RYR1: variants seen among roughly 807,000 people sequenced by gnomAD.
RYR1 encodes the protein ryanodine receptor 1.
RYR1 carries 342 observed loss-of-function variants against 583.5 expected under a neutral mutation model. That is an observed-to-expected ratio of 0.59 (90% confidence interval 0.54 to 0.64). The LOEUF (loss-of-function observed/expected upper bound fraction) is 0.64. RYR1 is among the 30% of genes least tolerant of loss of function. RYR1 has a pLI of 0.00. For synonymous variants in RYR1, 2,791 were observed against 2,822.5 expected (o/e 0.99, Z 0.35); for missense variants, 6,032 against 6,917.2 (o/e 0.87, Z 4.54).
intron 27 of RYR1, among the ~76,000 whole-genome samples, chr19:38,469,895 C>T (rs1315131237): frequency 1.3e-5 from 2 of 150,466 alleles, no homozygotes; most frequent in Non-Finnish European, 3.0e-5. Flanking sequence ...AGGGAGACCC[C>T]GTCTCTACAA....
chr19:38,553,334 CAAAA>C (rs566497167), intron 89 of RYR1, among the ~76,000 whole-genome samples: 2 of 80,932 alleles, frequency 2.5e-5, no homozygotes, highest in Admixed American at 1.5e-4. Flanking sequence ...GACTCCATAT[CAAAA>C]AAAAAAAAAA....
In RYR1 at chr19:38,475,022, T is replaced by C. The variant is rs143043459; in HGVS notation, c.4161-296T>C. ...TCCTTTTCCAAGTGCATTTAGCACC[T>C]ATACGAGAAATGCATGTGGGAAATG... is the stretch of plus-strand genomic sequence containing the variant. On this transcript the variant is annotated intron_variant, in intron 28 of 105. Coordinates refer to ENST00000359596, the MANE Select transcript of RYR1 (RefSeq NM_000540.3). Among the ~76,000 whole-genome samples the C allele has an allele frequency of 4.5e-3, 684 of 152,298 alleles. No individual in the cohort carries two copies. Among genetic ancestry groups the C allele is most frequent in the Non-Finnish European group, 7.3e-3 (499 of 68,030 alleles).
rs992765294 is a variant in RYR1, at chr19:38,443,855, T to TTCC, written c.424+59_424+60insTCC. ...GGCCCCGCAGCAGGGATTCAGGGGG[T>TTCC]AGAAGGTCTGCAGAACGCCAAGGCA... is the stretch of plus-strand genomic sequence containing the variant. On this transcript the variant is annotated intron_variant, in intron 5 of 105. Transcript: ENST00000359596. 78 of 1,511,398 alleles carry TTCC rather than the reference T, an allele frequency of 5.2e-5. No individual in the cohort carries two copies. The African/African-American group carries it at 1.0e-3, about 20-fold the overall frequency. 93.6% of individuals were successfully genotyped at this position (1,511,398 alleles called of 1,614,324 possible). A position where few individuals can be genotyped will look rare whatever the true frequency, so the allele number is the denominator to read the frequency against.
At chr19:38,468,581 C>T (rs796299982) in intron 25 of RYR1, among the ~76,000 whole-genome samples, 1 of 152,208 alleles carries the variant, frequency 6.6e-6, no homozygotes, top group African/African-American at 2.4e-5. Flanking sequence ...AGCCACTCAT[C>T]TATTTTGTGC....
chr19:38,496,252 A>G lies in RYR1; in HGVS notation c.6586A>G (p.Asn2196Asp). The G allele has an allele frequency of 6.2e-7, 1 of 1,613,858 alleles. No homozygotes were observed. Among genetic ancestry groups the G allele is most frequent in the Non-Finnish European group, 8.5e-7 (1 of 1,180,008 alleles). ...CAACAAAGTCTTCTACCAACACCCG[A>G]ACCTGATGAGGGCGCTGGGCATGCA... ...MNNKVFYQHP[N>D]LMRALGMHET... The change falls in exon 40 of 106, where the codon AAC becomes GAC. Residue 2196 changes from asparagine to aspartate, a missense_variant. This residue lies in a region of RYR1 where 2,627 missense variants were observed against 2,961.3 expected (regional missense o/e 0.89). Transcript: ENST00000359596. This position sits in a 1 kb window ranked among gnomAD's most constrained non-coding sequence, Gnocchi z 4.8.
chr19:38,560,860 A>AAAAATT (rs971930830), intron 89 of RYR1, among the ~76,000 whole-genome samples: 2 of 151,888 alleles, frequency 1.3e-5, no homozygotes, highest in Non-Finnish European at 2.9e-5. Context: ...CTCTACAAAA[A>AAAAATT]AAAATTAAAA....
At chr19:38,535,065 G>A in intron 79 of RYR1, 76 bp from the exon 80 acceptor site, 1 of 1,448,908 alleles carries the variant, frequency 6.9e-7, no homozygotes, top group Admixed American at 1.7e-5. Flanking sequence ...CATCCCTTGG[G>A]ATGGCTGTTT....
chr19:38,581,977 C>T (rs1314209650), intron 101 of RYR1, among the ~76,000 whole-genome samples: 3 of 152,146 alleles, frequency 2.0e-5, no homozygotes, highest in Non-Finnish European at 2.9e-5. Context: ...ACTTATGAGC[C>T]GTGTGATTTT....
rs763503192 is a variant in RYR1 at position 38,517,642 on chromosome 19, C to T, written c.9969C>T (p.Ile3323=). The T allele has an allele frequency of 9.9e-6, 16 of 1,614,056 alleles. No individual in the cohort carries two copies. The highest frequency in any genetic ancestry group is 6.6e-5 in the South Asian group (6 of 91,096). ...TGCTGGGGAATATCCTGAGAATCAT[C>T]GTCAACAACCTGGGCATTGACGAGG... ...NSLLGNILRI[I]VNNLGIDEAS... is the part of the protein sequence containing the mutation. The change falls in exon 66 of 106, where the codon ATC becomes ATT. Residue 3323 remains isoleucine (I), a synonymous_variant. Coordinates refer to ENST00000359596, the MANE Select transcript of RYR1 (RefSeq NM_000540.3).
intron 27 of RYR1, 132 bp from the exon 28 acceptor site, chr19:38,473,245 G>A (rs1968522062): frequency 8.7e-7 from 1 of 1,147,348 alleles, no homozygotes; most frequent in South Asian, 1.2e-5. Context: ...CTGCAGGAGT[G>A]GGGGGCCCTT....
chr19:38,523,440 T>G (rs923152472), intron 69 of RYR1, 131 bp downstream of exon 69: 1 of 937,284 alleles, frequency 1.1e-6, no homozygotes, highest in Non-Finnish European at 1.7e-6. Context: ...GAGCAGCCCC[T>G]CTTACCTCCT....
intron 97 of RYR1, among the ~76,000 whole-genome samples, chr19:38,576,899 T>C (rs1394132372): frequency 1.3e-5 from 2 of 152,152 alleles, no homozygotes; most frequent in African/African-American, 4.8e-5. Context: ...TTTGTTTTTT[T>C]CTTTGAGACG....
chr19:38,493,293 A>G (rs1969639930), intron 38 of RYR1, among the ~76,000 whole-genome samples: 2 of 152,134 alleles, frequency 1.3e-5, no homozygotes, highest in South Asian at 2.1e-4. Context: ...ACAAGCAGCT[A>G]TCATTAATGT....
At chr19:38,567,107 G>C in intron 92 of RYR1, 120 bp downstream of exon 92, 1 of 1,499,736 alleles carries the variant, frequency 6.7e-7, no homozygotes, top group Non-Finnish European at 9.0e-7. Flanking sequence ...GCATCACCCA[G>C]CCCAGACTCA....
intron 20 of RYR1, among the ~76,000 whole-genome samples, chr19:38,463,141 G>GCT (rs1555772006): frequency 3.0e-5 from 1 of 32,954 alleles, no homozygotes; most frequent in African/African-American, 2.1e-4. Flanking sequence ...CAGGCGATCT[G>GCT]CCCCCCCCCC....
chr19:38,494,164 G>C (rs918076606), intron 38 of RYR1, among the ~76,000 whole-genome samples, 188 bp from the exon 39 acceptor site: 2 of 152,136 alleles, frequency 1.3e-5, no homozygotes, highest in African/African-American at 4.8e-5. Flanking sequence ...GCAAGACACT[G>C]TCTCTAAAAG....
At position 38,522,427 on chromosome 19, in the gene RYR1, C is replaced by A. The variant is rs186017972; in HGVS notation, c.10260-601C>A. Reference sequence around the variant, plus strand: ...GACCAGCCTGGACAACCTAGGGAGACCCTCTTCCTACAAAAAATAAAATAA... The same window carrying A: ...GACCAGCCTGGACAACCTAGGGAGAACCTCTTCCTACAAAAAATAAAATAA... On this transcript the variant is annotated intron_variant, in intron 67 of 105. Transcript: ENST00000359596. Among the ~76,000 whole-genome samples the A allele has an allele frequency of 2.5e-3, 383 of 151,956 alleles. 4 individuals carry two copies. The highest frequency in any genetic ancestry group is 9.6e-3 in the Admixed American group (147 of 15,234).
In RYR1 at chr19:38,452,847, C is replaced by T. The variant is rs780992831; in HGVS notation, c.1273C>T (p.Arg425Trp). The T allele has an allele frequency of 1.9e-6, 3 of 1,603,134 alleles. No individual in the cohort carries two copies. The highest frequency in any genetic ancestry group is 2.3e-5 in the East Asian group (1 of 44,436). ...CCTGGACAGCTTCAGCGGGAAGCCA[C>T]GGGGCTCGGGGCCACCCGCTGGCAC... ...KSLDSFSGKP[R>W]GSGPPAGTAL... The change falls in exon 13 of 106, where the codon CGG becomes TGG. Residue 425 changes from arginine to tryptophan, a missense_variant. By Grantham distance (101) the Arg-to-Trp change is moderately radical (BLOSUM62 -3). This residue lies in a region of RYR1 where 2,627 missense variants were observed against 2,961.3 expected (regional missense o/e 0.89). Coordinates refer to ENST00000359596, the MANE Select transcript of RYR1 (RefSeq NM_000540.3).
chr19:38,519,514 C>T, intron 67 of RYR1, 60 bp downstream of exon 67: 1 of 1,543,056 alleles, frequency 6.5e-7, no homozygotes, highest in South Asian at 1.2e-5. Flanking sequence ...CCTCCAGCCC[C>T]ATCTGATCTC....
Sources: allele counts gnomAD v4.1 joint callset (sites outside exome capture counted in the v4.1 genomes callset), GRCh38; gene constraint gnomAD v4.1.1; regional missense constraint gnomAD v4.1.1; non-coding constraint Gnocchi (gnomAD v3.1); transcripts MANE v1.5; gene names NCBI Gene and HGNC (gene_info 2026-07-23, HGNC 2026-07-21).